RAD51B: variants seen among roughly 807,000 people sequenced by gnomAD.
The protein encoded by RAD51B is RAD51 paralog B, also known as DNA repair protein RAD51 homolog 2.
RAD51B carries 38 observed loss-of-function variants against 42.2 expected under a neutral mutation model. The observed-to-expected ratio is 0.90, with a 90% CI of 0.70 to 1.18. The LOEUF is 1.18. RAD51B is among the 50% of genes most tolerant of loss of function. RAD51B has a pLI of 0.00. For synonymous variants in RAD51B, 154 were observed against 145.2 expected, an observed-to-expected ratio of 1.06 and a Z score of -0.43; for missense variants, 373 against 400.7, an observed-to-expected ratio of 0.93 and a Z score of 0.59.
chr14:67,820,800 C>T (rs531045061), intron 1 of RAD51B, among the ~76,000 whole-genome samples: 3 of 152,150 alleles, frequency 2.0e-5, no homozygotes, highest in Admixed American at 6.5e-5. Context: ...CTATGTGCCA[C>T]GCACTCCCCG....
At chr14:68,188,262 T>G (rs2079195189) in intron 7 of RAD51B, among the ~76,000 whole-genome samples, 1 of 151,754 alleles carries the variant, frequency 6.6e-6, no homozygotes. Context: ...TTTTTCTTTG[T>G]TGTTCTTCTT....
At chr14:68,431,051 G>A (rs1366412765) in intron 9 of RAD51B, among the ~76,000 whole-genome samples, 4 of 152,144 alleles carry the variant, frequency 2.6e-5, no homozygotes, top group South Asian at 2.1e-4. Context: ...GCTGGATTAC[G>A]TTTATTGATT....
At chr14:68,085,804 C>G (rs973257214) in intron 7 of RAD51B, among the ~76,000 whole-genome samples, 10 of 152,240 alleles carry the variant, frequency 6.6e-5, no homozygotes, top group African/African-American at 2.2e-4. Flanking sequence ...GTTCCCTTGT[C>G]CCCCTTGCAG....
intron 7 of RAD51B, among the ~76,000 whole-genome samples, chr14:68,093,947 C>G (rs978777505): frequency 6.6e-6 from 1 of 152,200 alleles, no homozygotes; most frequent in Non-Finnish European, 1.5e-5. Flanking sequence ...AATGGCTGCA[C>G]CAGTCTGCAG....
chr14:67,941,918 A>G (rs536238404), intron 7 of RAD51B, among the ~76,000 whole-genome samples: 2 of 152,324 alleles, frequency 1.3e-5, no homozygotes, highest in South Asian at 4.1e-4. Flanking sequence ...AAAGCTTCAA[A>G]CAGATTTGCA....
At chr14:68,108,795 C>T (rs7161070) in intron 7 of RAD51B, among the ~76,000 whole-genome samples, 12,719 of 151,800 alleles carry the variant, frequency 0.084, 1,573 homozygotes, top group African/African-American at 0.27. Context: ...AAAATTGTTA[C>T]GTATATATTT....
Position 68,190,342 on chromosome 14 carries a change from G to C in RAD51B, c.757-101542G>C, listed in dbSNP as rs34222520. Reference sequence around the variant, plus strand: ...GGCTGAAATATCTTTACTTTGTATTGATTCAGATTTTAAATTGTTCTTTGA... The same window carrying C: ...GGCTGAAATATCTTTACTTTGTATTCATTCAGATTTTAAATTGTTCTTTGA... On this transcript the variant is annotated intron_variant, in intron 7 of 10. Coordinates refer to ENST00000471583, the MANE Select transcript of RAD51B (RefSeq NM_133510.4). 4.8e-3 allele frequency among the ~76,000 whole-genome samples: 732 copies of C among 152,162 alleles called. 4 individuals carry two copies. The highest frequency in any genetic ancestry group is 0.023 in the Admixed American group (359 of 15,298).
chr14:68,232,336 A>G (rs2080164657), intron 7 of RAD51B, among the ~76,000 whole-genome samples: 1 of 152,146 alleles, frequency 6.6e-6, no homozygotes, highest in South Asian at 2.1e-4. Flanking sequence ...GTGATTTTAA[A>G]TGGTACTGGC....
chr14:67,994,017 A>G (rs1329207002), intron 7 of RAD51B, among the ~76,000 whole-genome samples: 1 of 152,110 alleles, frequency 6.6e-6, no homozygotes, highest in East Asian at 1.9e-4. Flanking sequence ...CCATAAAAAT[A>G]TCATGCCTTT....
intron 7 of RAD51B, among the ~76,000 whole-genome samples, chr14:68,123,191 C>CTTTTTTTTTTTTTTTTTTTTTTTTTT (rs541886088): frequency 1.6e-5 from 2 of 125,500 alleles, no homozygotes; most frequent in Non-Finnish European, 3.3e-5. Context: ...TTCTTTCTTT[C>CTTTTTTTTTTTTTTTTTTTTTTTTTT]TTTTTTTTTT....
intron 10 of RAD51B, among the ~76,000 whole-genome samples, chr14:68,610,463 G>A (rs1421268998): frequency 6.6e-6 from 1 of 152,152 alleles, no homozygotes. Flanking sequence ...AAACCCATAT[G>A]AGCTCCACAT....
chr14:68,049,779 C>T (rs1309583882), intron 7 of RAD51B, among the ~76,000 whole-genome samples: 1 of 152,218 alleles, frequency 6.6e-6, no homozygotes, highest in African/African-American at 2.4e-5. Context: ...TGCCTTAATA[C>T]CCATGCCATC....
chr14:68,416,342 G>A (rs1269208135), intron 9 of RAD51B, among the ~76,000 whole-genome samples: 1 of 152,080 alleles, frequency 6.6e-6, no homozygotes, highest in Non-Finnish European at 1.5e-5. Context: ...GCCCACACTT[G>A]CACCTGGCCC....
chr14:67,993,482 A>T (rs911449639), intron 7 of RAD51B, among the ~76,000 whole-genome samples: 5 of 152,166 alleles, frequency 3.3e-5, no homozygotes, highest in Non-Finnish European at 1.5e-5. Context: ...ACTTAACATA[A>T]TGACCACCAG....
At chr14:68,281,363 G>C (rs561546247) in intron 7 of RAD51B, among the ~76,000 whole-genome samples, 1 of 152,354 alleles carries the variant, frequency 6.6e-6, no homozygotes, top group South Asian at 2.1e-4. Flanking sequence ...GTTAGGCACT[G>C]TCTTAAGTGC....
At chr14:68,273,862 T>C (rs1409519229) in intron 7 of RAD51B, among the ~76,000 whole-genome samples, 1 of 152,172 alleles carries the variant, frequency 6.6e-6, no homozygotes, top group Non-Finnish European at 1.5e-5. Context: ...ATACTTTATA[T>C]AAAATTTTTT....
intron 7 of RAD51B, among the ~76,000 whole-genome samples, chr14:68,283,757 C>CT (rs969435182): frequency 6.6e-6 from 1 of 152,222 alleles, no homozygotes; most frequent in Non-Finnish European, 1.5e-5. Flanking sequence ...AACCATAGCT[C>CT]TCCACACCTA....
intron 10 of RAD51B, among the ~76,000 whole-genome samples, chr14:68,528,140 C>T (rs1373394186): frequency 6.6e-6 from 1 of 152,216 alleles, no homozygotes; most frequent in Admixed American, 6.5e-5. Flanking sequence ...TCCCTCCAGT[C>T]TTCCGTACCA....
At chr14:68,594,591 G>C (rs528881301) in exon 11 of RAD51B, 5 of 1,295,816 alleles carry the variant, frequency 3.9e-6, no homozygotes, top group Admixed American at 4.5e-5. Flanking sequence ...ACCATACCCA[G>C]CTAATTTTTT....
Sources: gnomAD v4.1 joint callset for allele counts (sites outside exome capture counted in the v4.1 genomes callset) on GRCh38, gnomAD v4.1.1 for gene constraint, MANE v1.5 for transcripts, NCBI Gene and HGNC (gene_info 2026-07-23, HGNC 2026-07-21) for gene names.